Variants in ADRA1B observed in about 807,000 individuals in gnomAD.
ADRA1B encodes the protein alpha-1B adrenergic receptor.
In ADRA1B, 17 loss-of-function variants were observed where a neutral mutation model predicts 17.9. The ratio of observed to expected loss-of-function variants is 0.95; its 90% CI spans 0.65 to 1.42. The LOEUF is 1.42. Ranked by LOEUF, ADRA1B falls within the 40% of genes most tolerant of loss-of-function variation. The pLI is 0.00. For missense variants in ADRA1B, 681 were observed against 722.1 expected (o/e 0.94, Z 0.65); for synonymous variants, 366 against 327.6 (o/e 1.12, Z -1.27).
chr5:159,882,387 T>C (rs978064370), intron 1 of ADRA1B, among the ~76,000 whole-genome samples: 4 of 152,206 alleles, frequency 2.6e-5, no homozygotes, highest in Non-Finnish European at 5.9e-5. Flanking sequence ...CTGCTGTTCT[T>C]AGCTTTATAT....
At chr5:159,921,545 T>A (rs1754482537) in intron 1 of ADRA1B, among the ~76,000 whole-genome samples, 1 of 152,112 alleles carries the variant, frequency 6.6e-6, no homozygotes, top group African/African-American at 2.4e-5. Context: ...GCAGGGCCGG[T>A]AGCAGGAAGT....
Position 159,944,569 on chromosome 5 carries a change from A to C in ADRA1B, c.949+26715A>C, listed in dbSNP as rs368855588. Among the ~76,000 whole-genome samples the C allele has an allele frequency of 7.2e-5, 11 of 152,370 alleles. No homozygotes were observed. In the South Asian group the frequency reaches 2.3e-3, roughly 32 times the overall value. ...ACTAATAAAAGATGATTGCTTGCTC[A>C]TGATGAATGAATGAGAGAAACTAAC... On this transcript the variant is annotated intron_variant, in intron 1 of 1. Transcript: ENST00000306675.
At chr5:159,984,623 C>T in the ADRA1B span, among the ~76,000 whole-genome samples, 3,705 of 151,998 alleles carry the variant, frequency 0.024, 66 homozygotes, top group Non-Finnish European at 0.037. Context: ...TGAGGCCGGA[C>T]GTGGTAGCTC....
chr5:159,888,062 C>A (rs1344454381), intron 1 of ADRA1B: 6 of 152,130 alleles, frequency 3.9e-5, no homozygotes, highest in South Asian at 4.1e-4. Flanking sequence ...GCATGCAGCC[C>A]AGAGAAGTCA....
chr5:159,944,083 A>G (rs1755208257), intron 1 of ADRA1B, among the ~76,000 whole-genome samples: 1 of 152,128 alleles, frequency 6.6e-6, no homozygotes. Flanking sequence ...TACAGAGACC[A>G]TTTTCACCTT....
chr5:159,889,806 G>A (rs1753962604), intron 1 of ADRA1B, among the ~76,000 whole-genome samples: 1 of 152,236 alleles, frequency 6.6e-6, no homozygotes, highest in South Asian at 2.1e-4. Context: ...TCATTTTCTG[G>A]TTAAATCATC....
intron 1 of ADRA1B, among the ~76,000 whole-genome samples, chr5:159,961,863 G>C (rs955677544): frequency 6.6e-6 from 1 of 152,158 alleles, no homozygotes; most frequent in African/African-American, 2.4e-5. Context: ...TGATGCTTTA[G>C]GTCCCCACGC....
At chr5:159,979,268 A>G in the ADRA1B span, among the ~76,000 whole-genome samples, 14 of 152,228 alleles carry the variant, frequency 9.2e-5, no homozygotes, top group Admixed American at 9.2e-4. Context: ...CTGGGTGACA[A>G]TCCTGATTTT....
At chr5:159,880,254 C>T (rs112495169) in intron 1 of ADRA1B, among the ~76,000 whole-genome samples, 620 of 152,250 alleles carry the variant, frequency 4.1e-3, no homozygotes, top group Non-Finnish European at 6.6e-3. Flanking sequence ...TTGAGAGCAG[C>T]ATTTCATAAA....
chr5:159,908,684 C>A (rs530921870), intron 1 of ADRA1B, among the ~76,000 whole-genome samples: 1 of 152,134 alleles, frequency 6.6e-6, no homozygotes, highest in East Asian at 1.9e-4. Flanking sequence ...GCAGTGCAAG[C>A]GATTAAGACA....
At chr5:159,876,248 A>T (rs1754457046) in intron 1 of ADRA1B, among the ~76,000 whole-genome samples, 2 of 152,224 alleles carry the variant, frequency 1.3e-5, no homozygotes, top group African/African-American at 4.8e-5. Flanking sequence ...AAAGTCTACA[A>T]GTTGGCATGG....
At chr5:159,930,196 A>G (rs1754762748) in intron 1 of ADRA1B, among the ~76,000 whole-genome samples, 1 of 152,232 alleles carries the variant, frequency 6.6e-6, no homozygotes, top group African/African-American at 2.4e-5. Context: ...ATACTCTTGT[A>G]TATATGTCTG....
At chr5:159,884,822 C>T (rs1315590066) in intron 1 of ADRA1B, among the ~76,000 whole-genome samples, 1 of 152,234 alleles carries the variant, frequency 6.6e-6, no homozygotes, top group African/African-American at 2.4e-5. Context: ...GACTTGCCAT[C>T]TTGAATAGAG....
rs952175823 is a variant in ADRA1B at position 159,944,034 on chromosome 5, A to G, written c.949+26180A>G. On this transcript the variant is annotated intron_variant, in intron 1 of 1. Coordinates refer to ENST00000306675, the MANE Select transcript of ADRA1B (RefSeq NM_000679.4). ...ATACCTCTTTACCATTCAATGAGGT[A>G]CCTTACCCAAGATTTGCTCATTTAT... is the stretch of plus-strand genomic sequence containing the variant. 2.0e-5 allele frequency among the ~76,000 whole-genome samples: 3 copies of G among 152,136 alleles called. No homozygotes were observed. The East Asian group carries it at 5.8e-4, about 29-fold the overall frequency.
At chr5:159,873,751 A>G (rs542716880) in intron 1 of ADRA1B, among the ~76,000 whole-genome samples, 2 of 152,280 alleles carry the variant, frequency 1.3e-5, no homozygotes, top group African/African-American at 4.8e-5. Context: ...ACCTCCTTCC[A>G]TCTCTAGACA....
intron 1 of ADRA1B, among the ~76,000 whole-genome samples, chr5:159,930,101 A>G (rs1010250911): frequency 6.6e-6 from 1 of 152,216 alleles, no homozygotes. Context: ...TCCATTTTAC[A>G]AAGTGTCCTA....
intron 1 of ADRA1B, among the ~76,000 whole-genome samples, chr5:159,925,359 A>G (rs911535834): frequency 2.0e-5 from 3 of 152,226 alleles, no homozygotes; most frequent in African/African-American, 7.2e-5. Context: ...GCTTTAGAAG[A>G]CTTTTTTCAG....
chr5:159,942,845 AG>A (rs1755172848), intron 1 of ADRA1B, among the ~76,000 whole-genome samples: 1 of 152,258 alleles, frequency 6.6e-6, no homozygotes, highest in South Asian at 2.1e-4. Flanking sequence ...ATACGAAATT[AG>A]GGATGGTAGT....
chr5:159,926,479 T>G (rs954144055), intron 1 of ADRA1B, among the ~76,000 whole-genome samples: 12 of 152,276 alleles, frequency 7.9e-5, no homozygotes, highest in African/African-American at 2.9e-4. Flanking sequence ...CATAGTAAAC[T>G]CAATAAAAAT....
Sources: allele counts gnomAD v4.1 joint callset (sites outside exome capture counted in the v4.1 genomes callset), GRCh38; gene constraint gnomAD v4.1.1; transcripts MANE v1.5; gene names NCBI Gene and HGNC (gene_info 2026-07-23, HGNC 2026-07-21).